Variants in ENTHD1 observed in about 807,000 individuals in gnomAD.
The protein encoded by ENTHD1 is ENTH domain-containing protein 1.
Under a neutral mutation model 39.1 loss-of-function variants are expected in ENTHD1, and 23 were observed. The ratio of observed to expected loss-of-function variants is 0.59; its 90% CI spans 0.42 to 0.83. The LOEUF (loss-of-function observed/expected upper bound fraction) is 0.83, where lower values mean the gene tolerates loss of function less well. Ranked by LOEUF, ENTHD1 falls within the 40% of genes least tolerant of loss-of-function variation. The pLI, the probability that ENTHD1 is intolerant of heterozygous loss-of-function variation, is 0.00. For missense variants in ENTHD1, 624 were observed against 705.4 expected (o/e 0.88, Z 1.31); for synonymous variants, 230 against 258.2 (o/e 0.89, Z 1.05).
intron 2 of ENTHD1, among the ~76,000 whole-genome samples, chr22:39,870,670 C>T (rs540720556): frequency 7.2e-5 from 11 of 152,310 alleles, no homozygotes; most frequent in East Asian, 1.9e-4. Flanking sequence ...GCCATTCAGT[C>T]GGCCCATCAG....
chr22:39,888,264 T>TC (rs965037620), intron 1 of ENTHD1, among the ~76,000 whole-genome samples: 7 of 132,862 alleles, frequency 5.3e-5, no homozygotes, highest in Non-Finnish European at 9.8e-5. Flanking sequence ...TTCTTTCTTT[T>TC]TTTTTTTTTT....
chr22:39,801,787 T>G (rs1377085175), intron 5 of ENTHD1, among the ~76,000 whole-genome samples: 1 of 152,126 alleles, frequency 6.6e-6, no homozygotes, highest in East Asian at 1.9e-4. Flanking sequence ...GTTAATGACC[T>G]ACATTCAAGG....
intron 3 of ENTHD1, among the ~76,000 whole-genome samples, chr22:39,844,596 A>G (rs1569164350): frequency 1.3e-5 from 2 of 152,226 alleles, no homozygotes. Flanking sequence ...GTAATCTAAC[A>G]TAGAAACAGA....
intron 3 of ENTHD1, among the ~76,000 whole-genome samples, chr22:39,848,699 G>C (rs2066010933): frequency 6.6e-6 from 1 of 152,128 alleles, no homozygotes; most frequent in South Asian, 2.1e-4. Context: ...ACTGTATATA[G>C]GCAAGGGTCA....
intron 5 of ENTHD1, among the ~76,000 whole-genome samples, chr22:39,810,877 T>C (rs933394663): frequency 2.0e-5 from 3 of 152,222 alleles, no homozygotes; most frequent in African/African-American, 7.2e-5. Context: ...GACAACAGTA[T>C]ACTGTCTTTA....
At chr22:39,880,332 A>T (rs1005495959) in intron 2 of ENTHD1, among the ~76,000 whole-genome samples, 14 of 152,224 alleles carry the variant, frequency 9.2e-5, no homozygotes, top group African/African-American at 3.1e-4. Context: ...AGGAGGGAGG[A>T]AAAAATAAGC....
chr22:39,756,988 G>T (rs2065190351), intron 6 of ENTHD1, among the ~76,000 whole-genome samples: 1 of 150,504 alleles, frequency 6.6e-6, no homozygotes, highest in Admixed American at 6.6e-5. Flanking sequence ...CTATTTAAAT[G>T]TAAGACTCAG....
intron 5 of ENTHD1, among the ~76,000 whole-genome samples, chr22:39,806,625 C>T (rs1041210205): frequency 6.6e-6 from 1 of 152,106 alleles, no homozygotes; most frequent in African/African-American, 2.4e-5. Flanking sequence ...GAATGATGAA[C>T]AAGACACAGC....
chr22:39,837,837 T>A (rs1490945332), intron 3 of ENTHD1, among the ~76,000 whole-genome samples: 1 of 152,214 alleles, frequency 6.6e-6, no homozygotes, highest in Non-Finnish European at 1.5e-5. Flanking sequence ...CTGCATGCCT[T>A]TGCCATCCAT....
intron 5 of ENTHD1, among the ~76,000 whole-genome samples, chr22:39,817,715 A>G (rs2065744418): frequency 6.6e-6 from 1 of 152,086 alleles, no homozygotes; most frequent in African/African-American, 2.4e-5. Context: ...TTAAATAATT[A>G]TGATACAAAA....
intron 5 of ENTHD1, among the ~76,000 whole-genome samples, chr22:39,782,766 C>T (rs921775019): frequency 6.6e-6 from 1 of 151,536 alleles, no homozygotes; most frequent in African/African-American, 2.4e-5. Context: ...ATTTAACATC[C>T]CTGGAACATA....
At chr22:39,746,705 T>C (rs1461600547) in intron 6 of ENTHD1, among the ~76,000 whole-genome samples, 2 of 152,164 alleles carry the variant, frequency 1.3e-5, no homozygotes, top group Non-Finnish European at 2.9e-5. Context: ...ATCTCCTACC[T>C]AGAGGGTAAA....
At chr22:39,791,172 T>A (rs561494959) in intron 5 of ENTHD1, among the ~76,000 whole-genome samples, 4 of 147,014 alleles carry the variant, frequency 2.7e-5, no homozygotes, top group African/African-American at 9.9e-5. Flanking sequence ...TTATATATAT[T>A]ATATATATAT....
intron 5 of ENTHD1, among the ~76,000 whole-genome samples, chr22:39,798,455 T>A (rs533081845): frequency 6.6e-6 from 1 of 152,266 alleles, no homozygotes; most frequent in South Asian, 2.1e-4. Context: ...TAGCTTTGAT[T>A]CTGGGTGCAT....
At chr22:39,783,869 C>T (rs1181121369) in intron 5 of ENTHD1, among the ~76,000 whole-genome samples, 2 of 152,106 alleles carry the variant, frequency 1.3e-5, no homozygotes, top group Admixed American at 1.3e-4. Context: ...ACCACAAAAT[C>T]TCAGGCAACC....
chr22:39,834,772 A>C (rs531222099), intron 4 of ENTHD1, among the ~76,000 whole-genome samples: 17 of 152,232 alleles, frequency 1.1e-4, no homozygotes, highest in Non-Finnish European at 4.4e-5. Context: ...ATATCCTGAC[A>C]GTGGAACATA....
intron 1 of ENTHD1, among the ~76,000 whole-genome samples, chr22:39,888,153 C>T (rs937242381): frequency 6.6e-6 from 1 of 152,020 alleles, no homozygotes; most frequent in African/African-American, 2.4e-5. Context: ...TATCATTCAA[C>T]CTCTTTGGCC....
intron 5 of ENTHD1, among the ~76,000 whole-genome samples, chr22:39,808,732 A>G (rs2065662877): frequency 6.6e-6 from 1 of 152,222 alleles, no homozygotes; most frequent in Non-Finnish European, 1.5e-5. Context: ...TTATCACAAT[A>G]ATGAAAAAAG....
chr22:39,860,475 G>A (rs1459587442), intron 3 of ENTHD1, among the ~76,000 whole-genome samples: 2 of 152,168 alleles, frequency 1.3e-5, no homozygotes, highest in Admixed American at 1.3e-4. Flanking sequence ...ACCACTTTTA[G>A]AAGCCGGTAG....
Sources: gnomAD v4.1 joint callset for allele counts (sites outside exome capture counted in the v4.1 genomes callset) on GRCh38, gnomAD v4.1.1 for gene constraint, MANE v1.5 for transcripts, NCBI Gene and HGNC (gene_info 2026-07-23, HGNC 2026-07-21) for gene names.